The following TBC1D4 variants were observed in gnomAD, a reference collection of about 807,000 sequenced individuals.
TBC1D4 encodes TBC (Tre-2, BUB2, CDC16) domain-containing protein.
TBC1D4 carries 121 observed loss-of-function variants against 142.5 expected under a neutral mutation model. The ratio of observed to expected loss-of-function variants is 0.85; its 90% CI spans 0.73 to 0.99. TBC1D4 has a LOEUF of 0.99. Among genes scored for constraint, TBC1D4 ranks in the 50% least tolerant of loss-of-function variants. The pLI is 0.00. For synonymous variants in TBC1D4, 630 were observed against 628.2 expected (o/e 1.00, Z -0.04); for missense variants, 1,475 against 1,606.6 (o/e 0.92, Z 1.40).
chr13:75,287,616 C>T (rs1355548330), intron 20 of TBC1D4, among the ~76,000 whole-genome samples: 2 of 146,666 alleles, frequency 1.4e-5, no homozygotes, highest in Non-Finnish European at 3.0e-5. Context: ...AATATACTAA[C>T]CATTTAGTTT....
In TBC1D4 at chr13:75,327,747, G is replaced by A. The variant is rs1220609333; in HGVS notation, c.1806+5C>T. Reference sequence around the variant, plus strand: ...AATTAGTGTAAACAAGCTCTAGTTAGATACCTTCTCTGAAGCAAGACTGTT... The same window carrying A: ...AATTAGTGTAAACAAGCTCTAGTTAAATACCTTCTCTGAAGCAAGACTGTT... On this transcript the variant is annotated splice_donor_5th_base_variant and intron_variant, in intron 9 of 20. Coordinates refer to ENST00000377636, the MANE Select transcript of TBC1D4 (RefSeq NM_014832.5). The A allele has an allele frequency of 1.2e-6, 2 of 1,613,904 alleles. No homozygotes were observed.
intron 1 of TBC1D4, among the ~76,000 whole-genome samples, chr13:75,395,238 A>G (rs1286353473): frequency 6.6e-6 from 1 of 152,216 alleles, no homozygotes; most frequent in Non-Finnish European, 1.5e-5. Context: ...AAACAGATAT[A>G]TCTACTGCTA....
At chr13:75,441,890 T>C (rs1887057049) in intron 1 of TBC1D4, among the ~76,000 whole-genome samples, 1 of 152,212 alleles carries the variant, frequency 6.6e-6, no homozygotes, top group African/African-American at 2.4e-5. Flanking sequence ...GTTTTACCTC[T>C]AAGAAGACAA....
At chr13:75,346,020 C>T (rs1409842052) in intron 5 of TBC1D4, among the ~76,000 whole-genome samples, 1 of 152,076 alleles carries the variant, frequency 6.6e-6, no homozygotes, top group Non-Finnish European at 1.5e-5. Context: ...CTACACAGAA[C>T]TAATTTATTT....
chr13:75,419,839 A>T (rs916526150), intron 1 of TBC1D4, among the ~76,000 whole-genome samples: 1 of 152,228 alleles, frequency 6.6e-6, no homozygotes, highest in Non-Finnish European at 1.5e-5. Flanking sequence ...GTCTCTCATC[A>T]GGGGTGATAG....
intron 1 of TBC1D4, among the ~76,000 whole-genome samples, chr13:75,395,738 G>A (rs976449866): frequency 2.6e-5 from 4 of 152,142 alleles, no homozygotes; most frequent in African/African-American, 9.7e-5. Context: ...GCTGGGGCAG[G>A]AGAATCACTT....
At chr13:75,322,780 A>G (rs73531922) in intron 11 of TBC1D4, among the ~76,000 whole-genome samples, 3,229 of 152,294 alleles carry the variant, frequency 0.021, 119 homozygotes, top group African/African-American at 0.073. Flanking sequence ...CGGCAAACTG[A>G]TATCTTTATG....
At chr13:75,418,576 T>G (rs901785939) in intron 1 of TBC1D4, among the ~76,000 whole-genome samples, 14 of 152,322 alleles carry the variant, frequency 9.2e-5, no homozygotes, top group African/African-American at 3.1e-4. Context: ...TCCAAAGAGG[T>G]CTGTGTTCTT....
chr13:75,333,532 AT>A (rs930086280), intron 8 of TBC1D4, among the ~76,000 whole-genome samples: 9 of 152,238 alleles, frequency 5.9e-5, no homozygotes, highest in East Asian at 1.9e-4. Context: ...CAGTACAAAA[AT>A]TTTTTTTCCC....
chr13:75,352,742 A>G lies in TBC1D4; in HGVS notation c.1275+3405T>C, dbSNP rs149882915. ...CCGTCAGAACACTATACTGTTTACA[A>G]ATTCATAGCAATTATTACAAAGAAG... On this transcript the variant is annotated intron_variant, in intron 4 of 20. Coordinates refer to ENST00000377636, the MANE Select transcript of TBC1D4 (RefSeq NM_014832.5). 5.9e-4 allele frequency among the ~76,000 whole-genome samples: 90 copies of G among 152,324 alleles called. 1 individual carries two copies. In the East Asian group the frequency reaches 0.013, roughly 22 times the overall value.
intron 1 of TBC1D4, among the ~76,000 whole-genome samples, chr13:75,422,267 T>C (rs1014760527): frequency 1.3e-5 from 2 of 151,288 alleles, no homozygotes; most frequent in African/African-American, 4.9e-5. Flanking sequence ...AGAAACTGGC[T>C]GTGAAAAAAA....
At chr13:75,299,145 T>C (rs1248031973) in intron 17 of TBC1D4, among the ~76,000 whole-genome samples, 185 bp downstream of exon 17, 1 of 152,234 alleles carries the variant, frequency 6.6e-6, no homozygotes, top group African/African-American at 2.4e-5. Context: ...CTGGGTCTCA[T>C]ACACTTAGAA....
chr13:75,302,744 AT>A (rs1443475180), intron 15 of TBC1D4: 2 of 346,022 alleles, frequency 5.8e-6, no homozygotes, highest in Non-Finnish European at 1.1e-5. Flanking sequence ...GGCAATTACT[AT>A]TAGGTCCACT....
chr13:75,327,440 G>A (rs991877677), intron 9 of TBC1D4, among the ~76,000 whole-genome samples: 6 of 152,008 alleles, frequency 3.9e-5, no homozygotes, highest in African/African-American at 1.5e-4. Context: ...TAAAATCACT[G>A]TACAAGTATA....
At chr13:75,365,259 C>T (rs1434014160) in intron 1 of TBC1D4, among the ~76,000 whole-genome samples, 1 of 151,728 alleles carries the variant, frequency 6.6e-6, no homozygotes, top group Non-Finnish European at 1.5e-5. Flanking sequence ...TACCTTTTCT[C>T]AGGTTATGAC....
At chr13:75,342,471 T>C (rs1160777870) in intron 5 of TBC1D4, among the ~76,000 whole-genome samples, 1 of 152,226 alleles carries the variant, frequency 6.6e-6, no homozygotes, top group African/African-American at 2.4e-5. Flanking sequence ...GCTCTTGTTC[T>C]GTGAGAATAA....
In TBC1D4 at chr13:75,288,938, A is replaced by C; in HGVS notation, c.3659T>G (p.Leu1220Ter). ...KRQNMDLLEK[L>*]QVAHTKIQAL... Reference sequence around the variant, plus strand: ...CTCAAATCTTTATTTCTTTACCTGTAATTTTTCTAGGAGGTCCATGTTTTG... The same window carrying C: ...CTCAAATCTTTATTTCTTTACCTGTCATTTTTCTAGGAGGTCCATGTTTTG... The change falls in exon 20 of 21, where the codon TTA becomes TGA. Residue 1220 changes from leucine to a stop codon, truncating the protein, a stop_gained. Transcript: ENST00000377636. LOFTEE classifies it high-confidence loss of function. The C allele has an allele frequency of 6.2e-7, 1 of 1,613,580 alleles. No individual in the cohort carries two copies. The highest frequency in any genetic ancestry group is 8.5e-7 in the Non-Finnish European group (1 of 1,179,780).
intron 16 of TBC1D4, 22 bp downstream of exon 16, chr13:75,302,221 A>C: frequency 6.2e-7 from 1 of 1,614,046 alleles, no homozygotes; most frequent in Non-Finnish European, 8.5e-7. Context: ...TTTGTAAATT[A>C]TAATCCACAT....
At chr13:75,377,338 G>C (rs12018559) in intron 1 of TBC1D4, 1 of 152,170 alleles carries the variant, frequency 6.6e-6, no homozygotes, top group Non-Finnish European at 1.5e-5. Context: ...CAAAACCATA[G>C]AACGAAGAGG....
Sources: gnomAD v4.1 joint callset for allele counts (sites outside exome capture counted in the v4.1 genomes callset) on GRCh38, gnomAD v4.1.1 for gene constraint, MANE v1.5 for transcripts, NCBI Gene and HGNC (gene_info 2026-07-23, HGNC 2026-07-21) for gene names.